The following RORA variants were observed in gnomAD, a reference collection of about 807,000 sequenced individuals.
The protein encoded by RORA is nuclear receptor ROR-alpha.
In RORA, 7 loss-of-function variants were observed where a neutral mutation model predicts 69.5. The ratio of observed to expected loss-of-function variants is 0.10; its 90% CI spans 0.06 to 0.19. RORA has a LOEUF of 0.19. Ranked by LOEUF, RORA falls within the 10% of genes least tolerant of loss-of-function variation. The pLI, the probability that RORA is intolerant of heterozygous loss-of-function variation, is 1.00. For synonymous variants in RORA, 261 were observed against 240.8 expected (o/e 1.08, Z -0.78); for missense variants, 457 against 663.0 (o/e 0.69, Z 3.41).
intron 2 of RORA, among the ~76,000 whole-genome samples, chr15:60,630,045 T>C (rs2069698731): frequency 6.6e-6 from 1 of 152,224 alleles, no homozygotes; most frequent in Non-Finnish European, 1.5e-5. Flanking sequence ...ATTTGGCTAT[T>C]GGGCTATAAA....
At position 60,611,559 on chromosome 15, in the gene RORA, C is replaced by CAA. The variant is rs533598270; in HGVS notation, c.196+67096_196+67097dup. On this transcript the variant is annotated intron_variant, in intron 2 of 10. Coordinates refer to ENST00000335670, the MANE Select transcript of RORA (RefSeq NM_134261.3). ...TTACCTCAAACAATCTTGAGTTTTG[C>CAA]AAAAAAAAAAAAAAAAAAAAAAAAA... 2.0e-3 allele frequency among the ~76,000 whole-genome samples: 71 copies of CAA among 35,806 alleles called. 15 individuals carry two copies. Among genetic ancestry groups the CAA allele is most frequent in the East Asian group, 0.016 (16 of 1,022 alleles). The allele number at this position is 35,806 out of a possible 152,430, so 23.5% of individuals were successfully genotyped here. A position where few individuals can be genotyped will look rare whatever the true frequency, so the allele number is the denominator to read the frequency against.
In RORA at chr15:61,019,610, G is replaced by C. The variant is rs1008440281; in HGVS notation, c.166+209443C>G. On this transcript the variant is annotated intron_variant, in intron 1 of 10. Transcript: ENST00000335670. ...TCTGGGCTGGAAAAGTTAGTGAAGG[G>C]GGGGAAACCTGTCCTGCCCCACTCT... Among the ~76,000 whole-genome samples the C allele has an allele frequency of 9.9e-5, 15 of 152,152 alleles. 1 individual carries two copies. In the South Asian group the frequency reaches 1.7e-3, roughly 17 times the overall value.
intron 2 of RORA, among the ~76,000 whole-genome samples, chr15:60,542,294 C>T (rs2066895798): frequency 6.6e-6 from 1 of 152,034 alleles, no homozygotes; most frequent in South Asian, 2.1e-4. Context: ...CCAATAGCTG[C>T]TACCATCTTA....
intron 1 of RORA, among the ~76,000 whole-genome samples, chr15:60,754,283 C>A (rs1048013240): frequency 3.3e-5 from 5 of 152,170 alleles, no homozygotes; most frequent in Admixed American, 3.3e-4. Context: ...TGTTTCACTA[C>A]CATGGAGGTT....
At chr15:60,666,263 G>A (rs2070379575) in intron 2 of RORA, among the ~76,000 whole-genome samples, 1 of 151,122 alleles carries the variant, frequency 6.6e-6, no homozygotes, top group African/African-American at 2.4e-5. Flanking sequence ...GACTTCCTGG[G>A]CTCAAGCAAT....
chr15:60,943,821 CAGG>C lies in RORA; in HGVS notation c.167-265138_167-265136del, dbSNP rs559499770. Among the ~76,000 whole-genome samples, 431 of 144,242 alleles carry C rather than the reference CAGG, an allele frequency of 3.0e-3. 2 individuals carry two copies. The highest frequency in any genetic ancestry group is 4.8e-3 in the Non-Finnish European group (322 of 66,808). 94.6% of individuals were successfully genotyped at this position (144,242 alleles called of 152,430 possible). A position where few individuals can be genotyped will look rare whatever the true frequency, so the allele number is the denominator to read the frequency against. ...ATCCCAGCTACTCGGGAGGCTGAGG[CAGG>C]AGAATTGCTTGAACCTGGGAGGCAG... On this transcript the variant is annotated intron_variant, in intron 1 of 10. Transcript: ENST00000335670.
At chr15:61,046,258 T>C (rs1479902726) in intron 1 of RORA, among the ~76,000 whole-genome samples, 1 of 152,226 alleles carries the variant, frequency 6.6e-6, no homozygotes, top group Non-Finnish European at 1.5e-5. Flanking sequence ...AATCTACGTC[T>C]GGCTGGAGGG....
chr15:61,025,625 G>T (rs1034376895), intron 1 of RORA, among the ~76,000 whole-genome samples: 2 of 152,162 alleles, frequency 1.3e-5, no homozygotes, highest in African/African-American at 4.8e-5. Context: ...AAGCTCCCTG[G>T]GCTGATGATT....
chr15:61,057,711 A>G (rs1228629925), intron 1 of RORA, among the ~76,000 whole-genome samples: 2 of 152,198 alleles, frequency 1.3e-5, no homozygotes, highest in African/African-American at 4.8e-5. Flanking sequence ...AGGAGAAACC[A>G]TGGAAAAGTG....
At chr15:61,079,142 A>G (rs1417773652) in intron 1 of RORA, among the ~76,000 whole-genome samples, 1 of 152,212 alleles carries the variant, frequency 6.6e-6, no homozygotes, top group Non-Finnish European at 1.5e-5. Context: ...AAAGAAAAAA[A>G]AAAGTACTAG....
chr15:61,040,159 TATATAA>T (rs1300492422), intron 1 of RORA, among the ~76,000 whole-genome samples: 11 of 118,212 alleles, frequency 9.3e-5, no homozygotes, highest in Non-Finnish European at 1.4e-4. Flanking sequence ...TATATATATA[TATATAA>T]AATATATGAA....
At chr15:61,145,429 C>A in intron 1 of RORA, among the ~76,000 whole-genome samples, 1 of 152,242 alleles carries the variant, frequency 6.6e-6, no homozygotes, top group East Asian at 1.9e-4. Context: ...GGAGTCCAGG[C>A]TACATCTAGA....
intron 2 of RORA, among the ~76,000 whole-genome samples, chr15:60,613,706 G>GTA (rs771481548): frequency 2.2e-5 from 2 of 91,518 alleles, no homozygotes; most frequent in Non-Finnish European, 5.4e-5. Context: ...CTGTGTGTGT[G>GTA]TGTGTGTGTG....
At chr15:60,653,377 A>AGT (rs2070174434) in intron 2 of RORA, among the ~76,000 whole-genome samples, 1 of 151,884 alleles carries the variant, frequency 6.6e-6, no homozygotes, top group Non-Finnish European at 1.5e-5. Flanking sequence ...AGTACAAACC[A>AGT]GTGTCTTCTG....
At chr15:61,007,112 G>A (rs1894933960) in intron 1 of RORA, among the ~76,000 whole-genome samples, 1 of 151,970 alleles carries the variant, frequency 6.6e-6, no homozygotes, top group African/African-American at 2.4e-5. Flanking sequence ...TATTATAACT[G>A]CCTGTCCAGG....
At chr15:61,197,151 A>G (rs1596065220) in intron 1 of RORA, among the ~76,000 whole-genome samples, 1 of 152,354 alleles carries the variant, frequency 6.6e-6, no homozygotes, top group Non-Finnish European at 1.5e-5. Flanking sequence ...AGCTGGTTTG[A>G]AAACAATGAC....
chr15:61,138,351 G>C lies in RORA; in HGVS notation c.166+90702C>G, dbSNP rs1346399496. 3.3e-5 allele frequency among the ~76,000 whole-genome samples: 5 copies of C among 152,206 alleles called. No individual in the cohort carries two copies. The East Asian group carries it at 9.6e-4, about 29-fold the overall frequency. ...CTCACATAGACGTGGGATGGAGCTA[G>C]ATGGTTTCGTGTATGCTGAATGATG... On this transcript the variant is annotated intron_variant, in intron 1 of 10. Coordinates refer to ENST00000335670, the MANE Select transcript of RORA (RefSeq NM_134261.3).
chr15:61,185,336 T>C (rs1229269271), intron 1 of RORA, among the ~76,000 whole-genome samples: 1 of 152,022 alleles, frequency 6.6e-6, no homozygotes, highest in Non-Finnish European at 1.5e-5. Flanking sequence ...TGAGCATTAA[T>C]GTTCAATAAG....
chr15:60,616,463 G>T (rs2140605146), intron 2 of RORA, among the ~76,000 whole-genome samples: 1 of 152,208 alleles, frequency 6.6e-6, no homozygotes, highest in East Asian at 1.9e-4. Context: ...TTTGTTTGTT[G>T]TTTTACTGGT....
Sources: allele counts gnomAD v4.1 joint callset (sites outside exome capture counted in the v4.1 genomes callset), GRCh38; gene constraint gnomAD v4.1.1; transcripts MANE v1.5; gene names NCBI Gene and HGNC (gene_info 2026-07-23, HGNC 2026-07-21).